Variants in BAIAP2L1 observed in about 807,000 individuals in gnomAD.
BAIAP2L1 encodes BAR/IMD domain containing adaptor protein 2 like 1.
BAIAP2L1 carries 35 observed loss-of-function variants against 66.3 expected under a neutral mutation model. The observed-to-expected ratio is 0.53, with a 90% CI of 0.40 to 0.70. BAIAP2L1 has a LOEUF of 0.70. Among genes scored for constraint, BAIAP2L1 ranks in the 30% least tolerant of loss-of-function variants. BAIAP2L1 has a pLI of 0.00. For synonymous variants in BAIAP2L1, 269 were observed against 248.7 expected, an observed-to-expected ratio of 1.08 and a Z score of -0.77; for missense variants, 622 against 656.9, an observed-to-expected ratio of 0.95 and a Z score of 0.58.
intron 3 of BAIAP2L1, among the ~76,000 whole-genome samples, chr7:98,321,627 G>A (rs1200987217): frequency 3.3e-5 from 5 of 152,196 alleles, no homozygotes; most frequent in African/African-American, 9.7e-5. Flanking sequence ...AGGTGAACAA[G>A]GGCCTCTCTC....
chr7:98,328,682 A>G (rs1195378199), intron 3 of BAIAP2L1, among the ~76,000 whole-genome samples: 5 of 150,814 alleles, frequency 3.3e-5, no homozygotes, highest in African/African-American at 9.7e-5. Flanking sequence ...CCCATCTCAA[A>G]AAAAAAAAAA....
chr7:98,387,354 A>G (rs2115828268), intron 1 of BAIAP2L1, among the ~76,000 whole-genome samples: 1 of 152,268 alleles, frequency 6.6e-6, no homozygotes, highest in East Asian at 1.9e-4. Flanking sequence ...TCAAGAAAAC[A>G]GCTGCGGGAA....
chr7:98,398,766 T>C (rs1301210260), intron 1 of BAIAP2L1, among the ~76,000 whole-genome samples: 1 of 152,154 alleles, frequency 6.6e-6, no homozygotes, highest in Non-Finnish European at 1.5e-5. Flanking sequence ...GAGTTATTAC[T>C]AAAAGTCTAC....
Position 98,332,382 on chromosome 7 carries a change from C to CAAAA in BAIAP2L1, c.215-12088_215-12085dup, listed in dbSNP as rs55987839. 3.7e-3 allele frequency among the ~76,000 whole-genome samples: 104 copies of CAAAA among 27,766 alleles called. 12 individuals are homozygous for CAAAA. The highest frequency in any genetic ancestry group is 7.9e-3 in the African/African-American group (46 of 5,808). 18.2% of individuals were successfully genotyped at this position (27,766 alleles called of 152,430 possible). On this transcript the variant is annotated intron_variant, in intron 3 of 13. Transcript: ENST00000005260. ...TGGGTGACAGAACAAGACTCCATCTCAAAAAAAAAAAAAAAAAAAAAAAAA... is the reference window on the plus strand; with the variant it reads ...TGGGTGACAGAACAAGACTCCATCTCAAAAAAAAAAAAAAAAAAAAAAAAAAAAA...
At chr7:98,365,957 C>A (rs1356734549) in intron 1 of BAIAP2L1, among the ~76,000 whole-genome samples, 1 of 152,172 alleles carries the variant, frequency 6.6e-6, no homozygotes, top group Non-Finnish European at 1.5e-5. Flanking sequence ...GTGTGGTGAT[C>A]CCTGATGGCC....
At chr7:98,303,623 G>A (rs1785769934) in intron 12 of BAIAP2L1, among the ~76,000 whole-genome samples, 1 of 152,182 alleles carries the variant, frequency 6.6e-6, no homozygotes, top group African/African-American at 2.4e-5. Context: ...CCCACACCAG[G>A]GCCTCTGTGC....
chr7:98,298,355 G>GT (rs1421169936), intron 12 of BAIAP2L1, among the ~76,000 whole-genome samples: 1 of 152,250 alleles, frequency 6.6e-6, no homozygotes, highest in Non-Finnish European at 1.5e-5. Context: ...GCTCACGCCT[G>GT]TAATCCCAGC....
intron 2 of BAIAP2L1, among the ~76,000 whole-genome samples, chr7:98,358,636 C>T (rs1413673322): frequency 6.6e-6 from 1 of 152,142 alleles, no homozygotes; most frequent in Non-Finnish European, 1.5e-5. Flanking sequence ...GCATTACAGG[C>T]ATAAGCCACC....
chr7:98,346,466 G>GT (rs1349818807), intron 3 of BAIAP2L1, among the ~76,000 whole-genome samples: 1 of 152,174 alleles, frequency 6.6e-6, no homozygotes, highest in Admixed American at 6.5e-5. Context: ...TAAATTCAAT[G>GT]TATTCCAATC....
chr7:98,335,465 A>G (rs1359540303), intron 3 of BAIAP2L1, among the ~76,000 whole-genome samples: 2 of 152,202 alleles, frequency 1.3e-5, no homozygotes, highest in Non-Finnish European at 2.9e-5. Context: ...TATATATTTC[A>G]TCATCTCCTT....
chr7:98,333,434 C>G (rs1318186974), intron 3 of BAIAP2L1, among the ~76,000 whole-genome samples: 1 of 151,954 alleles, frequency 6.6e-6, no homozygotes, highest in African/African-American at 2.4e-5. Flanking sequence ...CTCACCTCTA[C>G]TAAAAATACA....
At chr7:98,353,437 T>C (rs7802959) in intron 3 of BAIAP2L1, among the ~76,000 whole-genome samples, 1 of 137,148 alleles carries the variant, frequency 7.3e-6, no homozygotes, top group African/African-American at 2.7e-5. Flanking sequence ...ATATTATATA[T>C]AAATATATAT....
chr7:98,354,409 T>A (rs1802073244), intron 3 of BAIAP2L1, among the ~76,000 whole-genome samples: 1 of 152,182 alleles, frequency 6.6e-6, no homozygotes, highest in Non-Finnish European at 1.5e-5. Context: ...TTTTACCCTT[T>A]GTACAATAAA....
chr7:98,372,199 A>G (rs1178621153), intron 1 of BAIAP2L1, among the ~76,000 whole-genome samples: 1 of 152,004 alleles, frequency 6.6e-6, no homozygotes, highest in Non-Finnish European at 1.5e-5. Flanking sequence ...TGAGGTCAGG[A>G]GTTCGAGACC....
At chr7:98,369,656 T>C (rs1802463797) in intron 1 of BAIAP2L1, among the ~76,000 whole-genome samples, 1 of 143,794 alleles carries the variant, frequency 7.0e-6, no homozygotes, top group South Asian at 2.2e-4. Flanking sequence ...TCTCATTTGA[T>C]TTCCTAATTT....
chr7:98,381,743 C>G (rs1802763819), intron 1 of BAIAP2L1, among the ~76,000 whole-genome samples: 1 of 152,170 alleles, frequency 6.6e-6, no homozygotes, highest in South Asian at 2.1e-4. Context: ...ACTCCCTACT[C>G]ACTTAGGCAG....
In BAIAP2L1 at chr7:98,316,672, C is replaced by T. The variant is rs369745147; in HGVS notation, c.486+547G>A. Among the ~76,000 whole-genome samples the T allele has an allele frequency of 2.4e-3, 359 of 152,236 alleles. 1 individual carries two copies. The highest frequency in any genetic ancestry group is 4.2e-3 in the African/African-American group (176 of 41,544). On this transcript the variant is annotated intron_variant, in intron 6 of 13. Coordinates refer to ENST00000005260, the MANE Select transcript of BAIAP2L1 (RefSeq NM_018842.5). Reference sequence around the variant, plus strand: ...TTCTAACTATTTTGAAATAATGCATCGCTGTTAACTATAGTCACCCTACTC... The same window carrying T: ...TTCTAACTATTTTGAAATAATGCATTGCTGTTAACTATAGTCACCCTACTC...
At chr7:98,311,991 G>C (rs771284783) in intron 8 of BAIAP2L1, 106 bp downstream of exon 8, 2 of 1,178,686 alleles carry the variant, frequency 1.7e-6, no homozygotes, top group Non-Finnish European at 2.4e-6. Context: ...GGTGGTCCTG[G>C]AAGTAATAAA....
chr7:98,310,567 G>GA lies in BAIAP2L1; in HGVS notation c.832dup (p.Ser278PhefsTer2). 1 of 1,591,360 alleles carries GA rather than the reference G, an allele frequency of 6.3e-7. No individual in the cohort carries two copies. Among genetic ancestry groups the GA allele is most frequent in the Non-Finnish European group, 8.5e-7 (1 of 1,173,514 alleles). ...GGGGGGCATCTTTGGTGAGCATTTA[G>GA]AAAGGGTGTCGTAATCTTTCCTAAC... On this transcript the variant is annotated frameshift_variant, in exon 9 of 14. Coordinates refer to ENST00000005260, the MANE Select transcript of BAIAP2L1 (RefSeq NM_018842.5). LOFTEE classifies it high-confidence loss of function.
Sources: gnomAD v4.1 joint callset for allele counts (sites outside exome capture counted in the v4.1 genomes callset) on GRCh38, gnomAD v4.1.1 for gene constraint, MANE v1.5 for transcripts, NCBI Gene and HGNC (gene_info 2026-07-23, HGNC 2026-07-21) for gene names.